CHD6: variants seen among roughly 807,000 people sequenced by gnomAD.
CHD6 encodes ATP-dependent chromatin remodeler CHD6.
CHD6 carries 50 observed loss-of-function variants against 276.9 expected under a neutral mutation model. The ratio of observed to expected loss-of-function variants is 0.18; its 90% CI spans 0.14 to 0.23. The LOEUF is 0.23. CHD6 is among the 10% of genes least tolerant of loss of function. CHD6 has a pLI of 1.00. For synonymous variants in CHD6, 1,173 were observed against 1,229.3 expected (o/e 0.95, Z 0.96); for missense variants, 2,564 against 3,365.8 (o/e 0.76, Z 5.89).
intron 1 of CHD6, among the ~76,000 whole-genome samples, chr20:41,614,394 C>A (rs557088650): frequency 6.6e-6 from 1 of 152,208 alleles, no homozygotes; most frequent in East Asian, 1.9e-4. Flanking sequence ...ATTTCTAAGT[C>A]CTTCATTATG....
At position 41,420,577 on chromosome 20, in the gene CHD6, G is replaced by A; in HGVS notation, c.6058C>T (p.Leu2020Phe). ...FPTYPLEGSE[L>F]KSEDMDFENK... ...TCAAAATCCATGTCTTCTGATTTGA[G>A]CTCACTTCCTTCAAGAGGATATGTG... Residue 2020 changes from leucine (L) to phenylalanine (F), a missense_variant, in exon 31 of 37, where the codon CTC (leucine) becomes TTC (phenylalanine). By Grantham distance (22) the Leu-to-Phe change is conservative. This residue lies in a region of CHD6 where 1,024 missense variants were observed against 1,047.9 expected (regional missense o/e 0.98). Coordinates refer to ENST00000373233, the MANE Select transcript of CHD6 (RefSeq NM_032221.5). The A allele has an allele frequency of 6.2e-7, 1 of 1,613,986 alleles. No individual in the cohort carries two copies. The highest frequency in any genetic ancestry group is 1.3e-5 in the African/African-American group (1 of 75,024).
Position 41,608,999 on chromosome 20 carries a change from T to C in CHD6, c.-24+9341A>G, listed in dbSNP as rs1199365847. 6.6e-5 allele frequency among the ~76,000 whole-genome samples: 10 copies of C among 152,188 alleles called. 1 individual carries two copies. The South Asian group carries it at 1.9e-3, about 28-fold the overall frequency. On this transcript the variant is annotated intron_variant, in intron 1 of 36. Coordinates refer to ENST00000373233, the MANE Select transcript of CHD6 (RefSeq NM_032221.5). Reference sequence around the variant, plus strand: ...GAAATCACAATATTTTAGTAACATCTCATACAGCATTCCAAGGACAAGTGG... The same window carrying C: ...GAAATCACAATATTTTAGTAACATCCCATACAGCATTCCAAGGACAAGTGG...
Position 41,483,490 on chromosome 20 carries a change from G to C in CHD6, c.2287C>G (p.Arg763Gly), listed in dbSNP as rs753904892. ...GGGGCATCAGGGCTGTGGGTTTTTC[G>C]GAAATCTTCTAGAATTTTCTCCTCT... ...GAEEKILEDF[R>G]KTHSPDAPDF... Residue 763 changes from arginine (R) to glycine (G), a missense_variant, in exon 16 of 37, where the codon CGA becomes GGA. Physicochemically the swap from Arg to Gly is moderately radical, Grantham distance 125. Around this residue, in one of 7 missense-constraint regions of CHD6, gnomAD observed 457 missense variants for 889.0 expected, o/e 0.51. Coordinates refer to ENST00000373233, the MANE Select transcript of CHD6 (RefSeq NM_032221.5). 6.2e-7 allele frequency: 1 copy of C among 1,612,702 alleles called. No individual in the cohort carries two copies. The highest frequency in any genetic ancestry group is 1.7e-5 in the Admixed American group (1 of 59,712).
chr20:41,467,375 G>A (rs1217299774), intron 17 of CHD6, among the ~76,000 whole-genome samples: 1 of 151,980 alleles, frequency 6.6e-6, no homozygotes, highest in Admixed American at 6.6e-5. Context: ...CATCAGCAAA[G>A]GTATACATAT....
intron 1 of CHD6, among the ~76,000 whole-genome samples, chr20:41,552,323 C>T (rs948386733): frequency 3.9e-5 from 6 of 152,174 alleles, no homozygotes; most frequent in African/African-American, 1.4e-4. Flanking sequence ...ACCAAATTAC[C>T]CATAAGTTTC....
chr20:41,502,315 G>A (rs768210639), intron 5 of CHD6, among the ~76,000 whole-genome samples: 13 of 152,102 alleles, frequency 8.5e-5, no homozygotes, highest in Non-Finnish European at 1.9e-4. Flanking sequence ...TTATCAATAT[G>A]TAATCAATTA....
intron 1 of CHD6, among the ~76,000 whole-genome samples, chr20:41,615,110 T>C (rs1011998422): frequency 6.6e-6 from 1 of 152,234 alleles, no homozygotes; most frequent in Non-Finnish European, 1.5e-5. Flanking sequence ...GAAAAGGACA[T>C]GTATTGGATA....
Position 41,404,361 on chromosome 20 carries a change from T to A in CHD6, c.*232A>T, listed in dbSNP as rs2046609357. ...ACTATGATTGCTGGAATGAACTGGA[T>A]AACAGAATGAGAATTCTGTGCCTCC... On this transcript the variant is annotated 3_prime_UTR_variant, in exon 37 of 37. Coordinates refer to ENST00000373233, the MANE Select transcript of CHD6 (RefSeq NM_032221.5). 2 of 1,242,342 alleles carry A rather than the reference T, an allele frequency of 1.6e-6. No homozygotes were observed. The allele number at this position is 1,242,342 out of a possible 1,614,324, so 77.0% of individuals were successfully genotyped here. A position where few individuals can be genotyped will look rare whatever the true frequency, so the allele number is the denominator to read the frequency against.
intron 1 of CHD6, 34 bp downstream of exon 1, chr20:41,618,306 G>A (rs962287177): frequency 6.6e-6 from 1 of 151,804 alleles, no homozygotes; most frequent in Admixed American, 6.6e-5. Flanking sequence ...GCCGAGGCCA[G>A]GGAGGAAAAT....
intron 1 of CHD6, among the ~76,000 whole-genome samples, chr20:41,584,220 T>C (rs56072827): frequency 2.0e-5 from 3 of 152,096 alleles, no homozygotes; most frequent in Non-Finnish European, 2.9e-5. Flanking sequence ...CAAAGTAGAT[T>C]TGAAATAAAT....
At chr20:41,406,900 C>A (rs2046693651) in intron 36 of CHD6, among the ~76,000 whole-genome samples, 1 of 152,200 alleles carries the variant, frequency 6.6e-6, no homozygotes, top group African/African-American at 2.4e-5. Context: ...GAGGACAAAG[C>A]CCTCCCCTGC....
intron 25 of CHD6, among the ~76,000 whole-genome samples, chr20:41,441,031 G>C (rs2047886292): frequency 6.6e-6 from 1 of 152,162 alleles, no homozygotes; most frequent in Non-Finnish European, 1.5e-5. Flanking sequence ...AGGAGCTGTG[G>C]GTAGCTGATC....
intron 17 of CHD6, among the ~76,000 whole-genome samples, chr20:41,461,005 C>A: frequency 6.6e-6 from 1 of 152,336 alleles, no homozygotes; most frequent in South Asian, 2.1e-4. Context: ...TCAGCATGAC[C>A]TGAATGAGAG....
At chr20:41,491,926 C>T in intron 10 of CHD6, 107 bp from the exon 11 acceptor site, 1 of 1,239,212 alleles carries the variant, frequency 8.1e-7, no homozygotes, top group African/African-American at 1.5e-5. Flanking sequence ...AGGCTGGTTT[C>T]AAACTATAGT....
At chr20:41,585,907 C>T (rs1446118386) in intron 1 of CHD6, among the ~76,000 whole-genome samples, 1 of 152,144 alleles carries the variant, frequency 6.6e-6, no homozygotes, top group African/African-American at 2.4e-5. Context: ...ACTAAGAATT[C>T]CTAAGCCTAG....
intron 5 of CHD6, among the ~76,000 whole-genome samples, chr20:41,509,381 G>C (rs2044058266): frequency 6.6e-6 from 1 of 152,086 alleles, no homozygotes; most frequent in Non-Finnish European, 1.5e-5. Flanking sequence ...ATAACTCATG[G>C]TTTAGAAGAA....
chr20:41,555,822 G>A (rs937683685), intron 1 of CHD6, among the ~76,000 whole-genome samples: 1 of 152,164 alleles, frequency 6.6e-6, no homozygotes, highest in Non-Finnish European at 1.5e-5. Context: ...CGGCCAGGCA[G>A]AGACGCTCCT....
At chr20:41,532,929 T>C in intron 3 of CHD6, 121 bp downstream of exon 3, 4 of 1,117,956 alleles carry the variant, frequency 3.6e-6, no homozygotes, top group Non-Finnish European at 5.0e-6. Context: ...ACAGGTGAGA[T>C]GTGAAGCTTA....
chr20:41,602,389 G>A (rs1374216775), intron 1 of CHD6, among the ~76,000 whole-genome samples: 1 of 152,182 alleles, frequency 6.6e-6, no homozygotes, highest in Non-Finnish European at 1.5e-5. Context: ...CAAGCCCCTT[G>A]GTTGACCACC....
Sources: allele counts gnomAD v4.1 joint callset (sites outside exome capture counted in the v4.1 genomes callset), GRCh38; gene constraint gnomAD v4.1.1; regional missense constraint gnomAD v4.1.1; transcripts MANE v1.5; gene names NCBI Gene and HGNC (gene_info 2026-07-23, HGNC 2026-07-21).